CAST: variants seen among roughly 807,000 people sequenced by gnomAD.
CAST encodes calpastatin, also known as MIR583 host.
CAST carries 76 observed loss-of-function variants against 119.6 expected under a neutral mutation model. That is an observed-to-expected ratio of 0.64 (90% confidence interval 0.53 to 0.77). The LOEUF (loss-of-function observed/expected upper bound fraction) is 0.77. CAST is among the 30% of genes least tolerant of loss of function. CAST has a pLI of 0.00. For synonymous variants in CAST, 319 were observed against 331.6 expected, an observed-to-expected ratio of 0.96 and a Z score of 0.41; for missense variants, 953 against 946.5, an observed-to-expected ratio of 1.01 and a Z score of -0.09.
At chr5:96,159,407 A>C in the CAST span, among the ~76,000 whole-genome samples, 47,054 of 152,094 alleles carry the variant, frequency 0.31, 7,513 homozygotes, top group Middle Eastern at 0.38. Context: ...GAATTTTTAA[A>C]TTATAAAAGT....
chr5:96,047,681 T>C, the CAST span, among the ~76,000 whole-genome samples: 1 of 152,170 alleles, frequency 6.6e-6, no homozygotes. Flanking sequence ...AACACTGTGC[T>C]AAGTACCTGG....
intron 1 of CAST, among the ~76,000 whole-genome samples, chr5:96,647,389 C>G (rs1447068411): frequency 6.6e-6 from 1 of 152,062 alleles, no homozygotes; most frequent in Non-Finnish European, 1.5e-5. Flanking sequence ...TTTGTAAAAC[C>G]GTTTTAGATT....
At chr5:96,300,152 T>C in the CAST span, among the ~76,000 whole-genome samples, 1 of 152,316 alleles carries the variant, frequency 6.6e-6, no homozygotes, top group Non-Finnish European at 1.5e-5. Flanking sequence ...CCTATATTTT[T>C]GGGGTCAACT....
intron 1 of CAST, among the ~76,000 whole-genome samples, chr5:96,624,324 A>G (rs781596599): frequency 6.6e-6 from 1 of 152,210 alleles, no homozygotes; most frequent in Non-Finnish European, 1.5e-5. Context: ...GGCATTGAAC[A>G]AGTTTAGAAG....
At chr5:96,324,178 C>T in the CAST span, among the ~76,000 whole-genome samples, 1 of 152,176 alleles carries the variant, frequency 6.6e-6, no homozygotes, top group African/African-American at 2.4e-5. Context: ...GGACCCTTAT[C>T]CTTTCCAGCT....
chr5:96,424,012 GTGTC>G, the CAST span, among the ~76,000 whole-genome samples: 2 of 152,214 alleles, frequency 1.3e-5, no homozygotes, highest in Non-Finnish European at 2.9e-5. Context: ...TAGGGGGTAA[GTGTC>G]TGTGAGAGGA....
chr5:96,036,439 G>A, the CAST span, among the ~76,000 whole-genome samples: 1 of 152,092 alleles, frequency 6.6e-6, no homozygotes, highest in African/African-American at 2.4e-5. Context: ...TTAAACCAGT[G>A]AAGTCTGAAT....
chr5:96,095,426 A>T, the CAST span, among the ~76,000 whole-genome samples: 2 of 151,730 alleles, frequency 1.3e-5, no homozygotes, highest in Non-Finnish European at 2.9e-5. Flanking sequence ...AAAAACAATT[A>T]GCCAGGTGCC....
the CAST span, among the ~76,000 whole-genome samples, chr5:96,512,293 C>A: frequency 6.6e-6 from 1 of 152,176 alleles, no homozygotes. Context: ...GGTAGACATA[C>A]AATTTCTGAT....
At chr5:96,696,073 T>C (rs1481308082) in intron 3 of CAST, 166 bp downstream of exon 3, 2 of 409,648 alleles carry the variant, frequency 4.9e-6, no homozygotes, top group Non-Finnish European at 9.1e-6. Flanking sequence ...TTAATAATGA[T>C]GTGAATGATT....
chr5:96,297,598 T>C, the CAST span, among the ~76,000 whole-genome samples: 60 of 152,196 alleles, frequency 3.9e-4, 2 homozygotes, highest in Admixed American at 3.7e-3. Context: ...CATGTCTTGC[T>C]GTTAACTAAG....
the CAST span, among the ~76,000 whole-genome samples, chr5:96,354,906 T>C: frequency 5.3e-5 from 8 of 151,904 alleles, no homozygotes; most frequent in South Asian, 2.1e-4. Context: ...TTTTTTAATA[T>C]TGCATTTTCA....
At chr5:96,432,112 C>A in the CAST span, 1 of 1,535,584 alleles carries the variant, frequency 6.5e-7, no homozygotes, top group African/African-American at 1.4e-5. Context: ...GAAATAGATC[C>A]CTTCCCCATA....
chr5:96,614,295 G>A lies in CAST; in HGVS notation c.61-61244G>A, dbSNP rs77354113. Among the ~76,000 whole-genome samples, 400 of 152,222 alleles carry A rather than the reference G, an allele frequency of 2.6e-3. 4 individuals carry two copies. The highest frequency in any genetic ancestry group is 3.2e-3 in the Non-Finnish European group (216 of 68,010). ...AATGCCTGACTCGTTAGGTTATTGC[G>A]GTGAAGTGAATCAGAATCAGGGCCT... On this transcript the variant is annotated intron_variant, in intron 1 of 11. Coordinates refer to the CAST transcript ENST00000505143.
intron 1 of CAST, among the ~76,000 whole-genome samples, chr5:96,664,041 T>C (rs528808470): frequency 2.9e-4 from 44 of 152,252 alleles, no homozygotes; most frequent in African/African-American, 1.0e-3. Flanking sequence ...ATTAGGTATG[T>C]CTTTTTCTCT....
chr5:96,185,409 A>G, the CAST span, among the ~76,000 whole-genome samples: 1 of 152,260 alleles, frequency 6.6e-6, no homozygotes, highest in African/African-American at 2.4e-5. Flanking sequence ...TGTTTTCGTT[A>G]TGAAATCTTT....
At chr5:96,562,377 A>C (rs1418168020) in intron 1 of CAST, among the ~76,000 whole-genome samples, 1 of 152,212 alleles carries the variant, frequency 6.6e-6, no homozygotes, top group Non-Finnish European at 1.5e-5. Context: ...ATGTATGAAA[A>C]AAATGCTAAA....
chr5:96,266,002 C>T, the CAST span, among the ~76,000 whole-genome samples: 1 of 152,136 alleles, frequency 6.6e-6, no homozygotes, highest in Non-Finnish European at 1.5e-5. Context: ...TCAAAATATT[C>T]AGTCTCCTGA....
the CAST span, among the ~76,000 whole-genome samples, chr5:95,993,940 A>T: frequency 6.6e-6 from 1 of 152,094 alleles, no homozygotes; most frequent in South Asian, 2.1e-4. Flanking sequence ...AATTAATTTA[A>T]ATTTAAATTA....
Sources: allele counts gnomAD v4.1 joint callset (sites outside exome capture counted in the v4.1 genomes callset), GRCh38; gene constraint gnomAD v4.1.1; transcripts MANE v1.5; gene names NCBI Gene and HGNC (gene_info 2026-07-23, HGNC 2026-07-21).